Variants in ELAVL2 observed in about 807,000 individuals in gnomAD.
ELAVL2 encodes the protein ELAV-like protein 2.
In ELAVL2, 4 loss-of-function variants were observed where a neutral mutation model predicts 34.6. The ratio of observed to expected loss-of-function variants is 0.12; its 90% CI spans 0.06 to 0.26. ELAVL2 has a LOEUF of 0.26. Ranked by LOEUF, ELAVL2 falls within the 10% of genes least tolerant of loss-of-function variation. The pLI, the probability that ELAVL2 is intolerant of heterozygous loss-of-function variation, is 1.00. For synonymous variants in ELAVL2, 193 were observed against 154.8 expected (o/e 1.25, Z -1.83); for missense variants, 432 against 442.8 (o/e 0.98, Z 0.22).
intron 2 of ELAVL2, among the ~76,000 whole-genome samples, chr9:23,749,851 T>C (rs2051446278): frequency 6.6e-6 from 1 of 151,984 alleles, no homozygotes; most frequent in Admixed American, 6.6e-5. Flanking sequence ...GAGACCTTCT[T>C]TCATTATAAT....
intron 1 of ELAVL2, among the ~76,000 whole-genome samples, chr9:23,768,481 A>C (rs968834049): frequency 6.6e-6 from 1 of 152,016 alleles, no homozygotes; most frequent in African/African-American, 2.4e-5. Context: ...ATACATTTAA[A>C]CTATAAATTG....
At chr9:23,694,328 T>C (rs375683785) in intron 5 of ELAVL2, among the ~76,000 whole-genome samples, 1 of 151,926 alleles carries the variant, frequency 6.6e-6, no homozygotes, top group African/African-American at 2.4e-5. Context: ...TAAAACCTTC[T>C]ACATTTTTCC....
intron 1 of ELAVL2, among the ~76,000 whole-genome samples, chr9:23,799,838 A>G (rs536559476): frequency 6.6e-6 from 1 of 152,266 alleles, no homozygotes; most frequent in Non-Finnish European, 1.5e-5. Context: ...TACCACTGAA[A>G]AGAAAAATCT....
At chr9:23,701,660 G>T (rs1185344163) in intron 4 of ELAVL2, 56 bp from the exon 5 acceptor site, 5 of 1,564,136 alleles carry the variant, frequency 3.2e-6, no homozygotes, top group Non-Finnish European at 4.4e-6. Context: ...AGAAGGGAAG[G>T]AGAGAAGAAA....
At chr9:23,799,148 C>A (rs138903147) in intron 1 of ELAVL2, among the ~76,000 whole-genome samples, 1 of 152,148 alleles carries the variant, frequency 6.6e-6, no homozygotes, top group East Asian at 1.9e-4. Context: ...TGCAATCTCA[C>A]AGAAGCTTTT....
intron 3 of ELAVL2, among the ~76,000 whole-genome samples, chr9:23,730,564 GTT>G (rs2046281698): frequency 6.6e-6 from 1 of 152,076 alleles, no homozygotes; most frequent in South Asian, 2.1e-4. Flanking sequence ...CATAAATAAA[GTT>G]TTATTGGATA....
intron 5 of ELAVL2, among the ~76,000 whole-genome samples, chr9:23,695,730 A>G (rs895684172): frequency 1.3e-5 from 2 of 152,306 alleles, no homozygotes; most frequent in African/African-American, 2.4e-5. Flanking sequence ...GTATTTAACC[A>G]TATCTAAACA....
intron 3 of ELAVL2, among the ~76,000 whole-genome samples, chr9:23,708,666 G>A (rs921809587): frequency 2.6e-5 from 4 of 152,176 alleles, no homozygotes; most frequent in Admixed American, 6.5e-5. Flanking sequence ...ATTTTGAGAC[G>A]GAGTCTCACT....
intron 3 of ELAVL2, among the ~76,000 whole-genome samples, chr9:23,710,482 G>T (rs181169364): frequency 1.3e-5 from 2 of 152,292 alleles, no homozygotes; most frequent in Admixed American, 1.3e-4. Context: ...AGATTAAAGT[G>T]ATAAGGTCTA....
chr9:23,803,034 T>C (rs1161828549), intron 1 of ELAVL2, among the ~76,000 whole-genome samples: 1 of 152,168 alleles, frequency 6.6e-6, no homozygotes, highest in Non-Finnish European at 1.5e-5. Flanking sequence ...ACTTTGAGAA[T>C]TACTGGTCTA....
At chr9:23,759,787 T>A (rs1034738278) in intron 2 of ELAVL2, among the ~76,000 whole-genome samples, 1 of 106,490 alleles carries the variant, frequency 9.4e-6, no homozygotes, top group Non-Finnish European at 2.1e-5. Flanking sequence ...TATATATATA[T>A]ATAATGTATA....
chr9:23,799,309 A>G (rs531492634), intron 1 of ELAVL2, among the ~76,000 whole-genome samples: 1 of 152,346 alleles, frequency 6.6e-6, no homozygotes, highest in Admixed American at 6.5e-5. Context: ...AGATCTTTAG[A>G]GGAGAAAAGC....
At chr9:23,830,884 A>G (rs1265119616), upstream of ELAVL2, among the ~76,000 whole-genome samples, 2 of 152,050 alleles carry the variant, frequency 1.3e-5, no homozygotes, top group Non-Finnish European at 2.9e-5. Flanking sequence ...AATCTAGGCG[A>G]CTAGGCGAGG....
intron 2 of ELAVL2, among the ~76,000 whole-genome samples, chr9:23,740,416 C>T (rs1281537454): frequency 6.6e-6 from 1 of 152,208 alleles, no homozygotes; most frequent in African/African-American, 2.4e-5. Context: ...GGTTTCCACA[C>T]TACAATCAAC....
At chr9:23,796,605 T>A (rs538713463) in intron 1 of ELAVL2, among the ~76,000 whole-genome samples, 26 of 152,372 alleles carry the variant, frequency 1.7e-4, no homozygotes, top group Non-Finnish European at 2.9e-4. Flanking sequence ...CTTGCCTCAC[T>A]AGGGCAATGG....
At position 23,823,855 on chromosome 9, in the gene ELAVL2, G is replaced by GT. The variant is rs556656347; in HGVS notation, c.-16+1950dup. On this transcript the variant is annotated intron_variant, in intron 1 of 6. Transcript: ENST00000397312. ...TGTGTACTTTCTAAAAATTTTCATT[G>GT]TAAGTCTACGTTTTATAGGTTGCAG... Among the ~76,000 whole-genome samples, 7 of 152,210 alleles carry GT rather than the reference G, an allele frequency of 4.6e-5. No individual in the cohort carries two copies. The East Asian group carries it at 9.7e-4, about 21-fold the overall frequency.
intron 1 of ELAVL2, among the ~76,000 whole-genome samples, chr9:23,791,062 G>C (rs998305755): frequency 6.6e-6 from 1 of 152,188 alleles, no homozygotes; most frequent in Admixed American, 6.5e-5. Context: ...CATAAGCATG[G>C]TGCCTTTAAA....
intron 5 of ELAVL2, among the ~76,000 whole-genome samples, chr9:23,696,485 T>C (rs557431169): frequency 4.7e-4 from 72 of 152,348 alleles, no homozygotes; most frequent in African/African-American, 1.7e-3. Context: ...TTATTTATTT[T>C]TGAGACGAAG....
intron 1 of ELAVL2, chr9:23,783,513 T>A (rs2059329261): frequency 1.0e-6 from 1 of 985,310 alleles, no homozygotes; most frequent in East Asian, 1.1e-4. Flanking sequence ...GCATCAGGAA[T>A]TCTTGGAGAT....
Sources: allele counts gnomAD v4.1 joint callset (sites outside exome capture counted in the v4.1 genomes callset), GRCh38; gene constraint gnomAD v4.1.1; transcripts MANE v1.5; gene names NCBI Gene and HGNC (gene_info 2026-07-23, HGNC 2026-07-21).